Variants in ERAP1 observed in about 807,000 individuals in gnomAD.
ERAP1 encodes endoplasmic reticulum aminopeptidase 1, also known as adipocyte-derived leucine aminopeptidase.
ERAP1 carries 86 observed loss-of-function variants against 103.7 expected under a neutral mutation model. The observed-to-expected ratio is 0.83, with a 90% confidence interval of 0.70 to 0.99. The LOEUF (loss-of-function observed/expected upper bound fraction) is 0.99. Ranked by LOEUF, ERAP1 falls within the 50% of genes least tolerant of loss-of-function variation. The pLI, the probability that ERAP1 is intolerant of heterozygous loss-of-function variation, is 0.00. For missense variants in ERAP1, 1,009 were observed against 1,128.4 expected, an observed-to-expected ratio of 0.89 and a Z score of 1.52; for synonymous variants, 398 against 402.4, an observed-to-expected ratio of 0.99 and a Z score of 0.13.
chr5:96,898,039 T>TACAA, the ERAP1 span, among the ~76,000 whole-genome samples: 1 of 152,026 alleles, frequency 6.6e-6, no homozygotes, highest in African/African-American at 2.4e-5. Context: ...GTACTAGAAA[T>TACAA]ACAAACATTA....
chr5:96,883,791 G>C, the ERAP1 span: 1 of 1,609,708 alleles, frequency 6.2e-7, no homozygotes, highest in Non-Finnish European at 8.5e-7. Flanking sequence ...TCTTTTCACA[G>C]AATTCTTGCA....
the ERAP1 span, among the ~76,000 whole-genome samples, chr5:96,905,388 T>A: frequency 6.6e-6 from 1 of 152,248 alleles, no homozygotes; most frequent in Non-Finnish European, 1.5e-5. Context: ...CTCTAATTTC[T>A]GGTTGTTTTG....
At position 96,793,938 on chromosome 5, in the gene ERAP1, G is replaced by C. The variant is rs751589831; in HGVS notation, c.939C>G (p.Asp313Glu). Residue 313 changes from aspartate to glutamate, a missense_variant, in exon 6 of 19, where the codon GAC becomes GAG. This residue lies in a region of ERAP1 where 392 missense variants were observed against 455.2 expected (regional missense o/e 0.86). Transcript: ENST00000443439. ...AGTTTTCCATAGCACCAGACTGAAAGTCGGGAATAGCAGCAAGATCTTGGG... is the reference window on the plus strand; with the variant it reads ...AGTTTTCCATAGCACCAGACTGAAACTCGGGAATAGCAGCAAGATCTTGGG... ...LPKQDLAAIP[D>E]FQSGAMENWG... is the part of the protein sequence containing the mutation. 1.9e-6 allele frequency: 3 copies of C among 1,614,022 alleles called. No individual in the cohort carries two copies. The highest frequency in any genetic ancestry group is 2.7e-5 in the African/African-American group (2 of 74,924).
upstream of ERAP1, among the ~76,000 whole-genome samples, chr5:96,810,741 T>A (rs912861922): frequency 2.6e-5 from 4 of 152,220 alleles, no homozygotes; most frequent in African/African-American, 9.6e-5. Flanking sequence ...CTATTACTGA[T>A]CTACTTAAAA....
the ERAP1 span, among the ~76,000 whole-genome samples, chr5:96,855,666 T>C: frequency 6.6e-6 from 1 of 152,168 alleles, no homozygotes; most frequent in Non-Finnish European, 1.5e-5. Flanking sequence ...TCAGAGGCAA[T>C]TGCAGCGGAA....
intron 4 of ERAP1, 100 bp from the exon 5 acceptor site, chr5:96,795,262 T>C: frequency 6.7e-7 from 1 of 1,489,176 alleles, no homozygotes; most frequent in Non-Finnish European, 9.2e-7. Flanking sequence ...TTGTGGGATA[T>C]GGTTGCCAAT....
intron 4 of ERAP1, among the ~76,000 whole-genome samples, chr5:96,796,432 C>T (rs1777351345): frequency 6.6e-6 from 1 of 152,222 alleles, no homozygotes; most frequent in South Asian, 2.1e-4. Flanking sequence ...AAGCAGGTTG[C>T]TCTATCTTCC....
the ERAP1 span, among the ~76,000 whole-genome samples, chr5:96,922,091 G>A: frequency 1.3e-5 from 2 of 152,016 alleles, no homozygotes; most frequent in Admixed American, 1.3e-4. Flanking sequence ...AGGGTCAGGA[G>A]ATCGAGACCA....
the ERAP1 span, among the ~76,000 whole-genome samples, chr5:96,867,733 GA>G: frequency 1.3e-5 from 2 of 151,710 alleles, no homozygotes; most frequent in Admixed American, 6.6e-5. Context: ...TCATGGTGGG[GA>G]AAAAAAAGGT....
chr5:96,835,617 A>AT, the ERAP1 span, among the ~76,000 whole-genome samples: 5 of 152,040 alleles, frequency 3.3e-5, no homozygotes, highest in Admixed American at 2.6e-4. Context: ...TATGTGTTTG[A>AT]TTTTAAGTCT....
the ERAP1 span, chr5:96,823,016 C>T: frequency 6.6e-6 from 3 of 455,844 alleles, no homozygotes; most frequent in African/African-American, 2.0e-5. Flanking sequence ...GGTTGTAGGA[C>T]AGAGCACTTC....
rs539571458 is a variant in ERAP1 at position 96,795,631 on chromosome 5, C to T, written c.799-469G>A. Among the ~76,000 whole-genome samples, 8 of 152,280 alleles carry T rather than the reference C, an allele frequency of 5.3e-5. No individual in the cohort carries two copies. The South Asian group carries it at 1.7e-3, about 32-fold the overall frequency. On this transcript the variant is annotated intron_variant, in intron 4 of 18. Coordinates refer to ENST00000443439, the MANE Select transcript of ERAP1 (RefSeq NM_001040458.3). ...ATACAATCCCTGCATAAAGCTAGTA[C>T]CCAAAGGCCAGGCCTTTAATGTAAA...
chr5:96,844,161 C>T, the ERAP1 span, among the ~76,000 whole-genome samples: 13 of 152,276 alleles, frequency 8.5e-5, no homozygotes, highest in African/African-American at 2.9e-4. Flanking sequence ...GAGGGGGCCT[C>T]AGTTCATTTC....
At chr5:96,868,098 C>G in the ERAP1 span, among the ~76,000 whole-genome samples, 1 of 151,936 alleles carries the variant, frequency 6.6e-6, no homozygotes. Flanking sequence ...AACAAACAAA[C>G]AAACAAAAAA....
Position 96,774,611 on chromosome 5 carries a change from T to C in ERAP1, c.*1785A>G. 1 of 985,464 alleles carries C rather than the reference T, an allele frequency of 1.0e-6. No individual in the cohort carries two copies. Among genetic ancestry groups the C allele is most frequent in the Non-Finnish European group, 1.2e-6 (1 of 829,826 alleles). The allele number at this position is 985,464 out of a possible 1,614,324, so 61.0% of individuals were successfully genotyped here. A position where few individuals can be genotyped will look rare whatever the true frequency, so the allele number is the denominator to read the frequency against. On this transcript the variant is annotated 3_prime_UTR_variant, in exon 19 of 19. Coordinates refer to ENST00000443439, the MANE Select transcript of ERAP1 (RefSeq NM_001040458.3). ...GATAGGTTCCTCAGGTGACCAAAAC[T>C]GAAAATCAATATTTCCATGTTTCAT...
the ERAP1 span, chr5:96,896,711 C>A: frequency 6.5e-7 from 1 of 1,548,994 alleles, no homozygotes; most frequent in Non-Finnish European, 8.7e-7. Context: ...CTTTTTTCAA[C>A]TCTTTTGTTT....
chr5:96,774,666 A>G lies in ERAP1; in HGVS notation c.*1730T>C. ...CAAGGCATAAAATACAATTAAAGCA[A>G]AATATTTTACATTAAAATCTTGGTT... On this transcript the variant is annotated 3_prime_UTR_variant, in exon 19 of 19. Coordinates refer to ENST00000443439, the MANE Select transcript of ERAP1 (RefSeq NM_001040458.3). 1.0e-6 allele frequency: 1 copy of G among 983,660 alleles called. No individual in the cohort carries two copies. Among genetic ancestry groups the G allele is most frequent in the Non-Finnish European group, 1.2e-6 (1 of 828,192 alleles). The allele number at this position is 983,660 out of a possible 1,614,324, so 60.9% of individuals were successfully genotyped here.
the ERAP1 span, among the ~76,000 whole-genome samples, chr5:96,913,912 C>G: frequency 6.6e-6 from 1 of 152,280 alleles, no homozygotes. Context: ...GGAGGTGGCA[C>G]AGTGGAGACC....
At chr5:96,899,776 A>G in the ERAP1 span, among the ~76,000 whole-genome samples, 1 of 152,222 alleles carries the variant, frequency 6.6e-6, no homozygotes, top group Non-Finnish European at 1.5e-5. Flanking sequence ...GGGCATACAT[A>G]ACATGCAGCA....
Sources: allele counts gnomAD v4.1 joint callset (sites outside exome capture counted in the v4.1 genomes callset), GRCh38; gene constraint gnomAD v4.1.1; regional missense constraint gnomAD v4.1.1; transcripts MANE v1.5; gene names NCBI Gene and HGNC (gene_info 2026-07-23, HGNC 2026-07-21).